BMPER: variants seen among roughly 807,000 people sequenced by gnomAD.
The protein encoded by BMPER is BMP-binding endothelial regulator protein.
Under a neutral mutation model 87.3 loss-of-function variants are expected in BMPER, and 45 were observed. The ratio of observed to expected loss-of-function variants is 0.52; its 90% confidence interval spans 0.41 to 0.66. The LOEUF is 0.66. BMPER is among the 30% of genes least tolerant of loss of function. BMPER has a pLI of 0.00. For missense variants in BMPER, 784 were observed against 867.5 expected (o/e 0.90, Z 1.21); for synonymous variants, 326 against 316.2 (o/e 1.03, Z -0.33).
chr7:33,956,031 A>C (rs1785140192), intron 3 of BMPER, among the ~76,000 whole-genome samples: 1 of 150,886 alleles, frequency 6.6e-6, no homozygotes, highest in African/African-American at 2.5e-5. Context: ...CAAACAAACA[A>C]AAAACCACAA....
At chr7:34,146,032 C>G (rs1253468355) in intron 14 of BMPER, among the ~76,000 whole-genome samples, 1 of 151,992 alleles carries the variant, frequency 6.6e-6, no homozygotes, top group Non-Finnish European at 1.5e-5. Context: ...TTCTCTCTCT[C>G]TCACATATAC....
rs116177581 is a variant in BMPER, at chr7:33,908,015, C to T, written c.219+1112C>T. Among the ~76,000 whole-genome samples, 1,472 of 152,262 alleles carry T rather than the reference C, an allele frequency of 9.7e-3. 26 individuals are homozygous for T. Among genetic ancestry groups the T allele is most frequent in the African/African-American group, 0.033 (1,390 of 41,556 alleles). The stretch of plus-strand genomic sequence containing the variant: ...GGAAATCAACAGAAACAAGTAAAAA[C>T]GCACTGCGTTTGCTGACACAATAAA... On this transcript the variant is annotated intron_variant, in intron 2 of 14. Coordinates refer to ENST00000649409, the MANE Select transcript of BMPER (RefSeq NM_001365308.1).
intron 13 of BMPER, among the ~76,000 whole-genome samples, chr7:34,129,269 G>A: frequency 6.6e-6 from 1 of 152,056 alleles, no homozygotes; most frequent in East Asian, 1.9e-4. Flanking sequence ...TTGGGAGGCT[G>A]AGGTGGGTGG....
At chr7:34,086,857 G>A (rs748171453) in intron 13 of BMPER, among the ~76,000 whole-genome samples, 3 of 152,166 alleles carry the variant, frequency 2.0e-5, no homozygotes, top group Non-Finnish European at 2.9e-5. Flanking sequence ...ACAATTCCAT[G>A]GGTTCAAGAG....
intron 14 of BMPER, among the ~76,000 whole-genome samples, chr7:34,147,668 C>T (rs760876218): frequency 1.3e-5 from 2 of 152,130 alleles, no homozygotes; most frequent in Non-Finnish European, 2.9e-5. Flanking sequence ...CGGGGTTTCT[C>T]CATGTTGGTC....
intron 3 of BMPER, among the ~76,000 whole-genome samples, chr7:33,939,729 T>C (rs528329734): frequency 3.3e-5 from 5 of 152,182 alleles, no homozygotes; most frequent in Non-Finnish European, 7.3e-5. Flanking sequence ...GGTGCCTTGC[T>C]TCCCCTTCAC....
chr7:33,922,333 G>A (rs979940508), intron 2 of BMPER, among the ~76,000 whole-genome samples: 1 of 152,074 alleles, frequency 6.6e-6, no homozygotes, highest in Non-Finnish European at 1.5e-5. Context: ...CCCAAGTTTT[G>A]TGTCTAGTTT....
chr7:34,102,167 C>T (rs188033075), intron 13 of BMPER, among the ~76,000 whole-genome samples: 1 of 152,146 alleles, frequency 6.6e-6, no homozygotes, highest in East Asian at 1.9e-4. Context: ...CCACATCTTC[C>T]TCTGCATTGG....
intron 2 of BMPER, among the ~76,000 whole-genome samples, chr7:33,926,825 A>G (rs1034466858): frequency 1.3e-5 from 2 of 152,236 alleles, no homozygotes; most frequent in African/African-American, 2.4e-5. Flanking sequence ...GAGAGCTCCT[A>G]TTCCCTTGCT....
chr7:34,046,558 GGT>G (rs1267460039), intron 7 of BMPER, among the ~76,000 whole-genome samples, 153 bp downstream of exon 7: 5 of 152,206 alleles, frequency 3.3e-5, no homozygotes, highest in Non-Finnish European at 5.9e-5. Flanking sequence ...AGAAGTGGAA[GGT>G]GTGTACAGGG....
intron 6 of BMPER, among the ~76,000 whole-genome samples, chr7:34,006,022 T>C (rs17169619): frequency 0.016 from 2,425 of 152,086 alleles, 72 homozygotes; most frequent in African/African-American, 0.056. Flanking sequence ...TCATTTACAT[T>C]GTAGCCATTA....
chr7:34,120,028 AT>A (rs1303366553), intron 13 of BMPER, among the ~76,000 whole-genome samples: 1 of 152,200 alleles, frequency 6.6e-6, no homozygotes, highest in African/African-American at 2.4e-5. Flanking sequence ...CCCATTCCCA[AT>A]AACATTGACT....
chr7:34,105,088 G>T (rs1465701543), intron 13 of BMPER, among the ~76,000 whole-genome samples: 1 of 152,186 alleles, frequency 6.6e-6, no homozygotes, highest in Non-Finnish European at 1.5e-5. Context: ...CTCTGGGGAG[G>T]AGGAGGCAAG....
chr7:34,135,868 T>C lies in BMPER; in HGVS notation c.1746-7362T>C, dbSNP rs1011933157. ...GAGTGGGCTAACAATTTAACTTGAG[T>C]ATAGGGGGATGAGGGGAGAATTTGG... is the stretch of plus-strand genomic sequence containing the variant. On this transcript the variant is annotated intron_variant, in intron 13 of 14. Transcript: ENST00000649409. Among the ~76,000 whole-genome samples the C allele has an allele frequency of 6.6e-5, 10 of 151,984 alleles. No individual in the cohort carries two copies. The East Asian group carries it at 1.7e-3, about 26-fold the overall frequency.
At chr7:34,056,403 A>T (rs535569220) in intron 9 of BMPER, among the ~76,000 whole-genome samples, 60 of 152,208 alleles carry the variant, frequency 3.9e-4, no homozygotes, top group Non-Finnish European at 7.8e-4. Flanking sequence ...AAAATAAAAT[A>T]AAAAAAATTA....
At chr7:33,944,993 G>GT (rs1283689595) in intron 3 of BMPER, among the ~76,000 whole-genome samples, 1 of 152,158 alleles carries the variant, frequency 6.6e-6, no homozygotes. Flanking sequence ...CCAGGCTGGA[G>GT]TGCAGTGGCA....
At chr7:34,032,243 G>C (rs1787548371) in intron 6 of BMPER, among the ~76,000 whole-genome samples, 1 of 151,874 alleles carries the variant, frequency 6.6e-6, no homozygotes. Context: ...TTAACCCCAT[G>C]AGTTTGTTCC....
At chr7:34,011,947 G>A (rs1786894276) in intron 6 of BMPER, among the ~76,000 whole-genome samples, 1 of 151,854 alleles carries the variant, frequency 6.6e-6, no homozygotes, top group South Asian at 2.1e-4. Context: ...TCCCAAGAAT[G>A]CATCCAGAGT....
intron 3 of BMPER, among the ~76,000 whole-genome samples, chr7:33,949,806 T>C (rs897299180): frequency 6.6e-6 from 1 of 152,198 alleles, no homozygotes; most frequent in Non-Finnish European, 1.5e-5. Context: ...ACAAGAGGGA[T>C]TTCTTTCCCC....
Sources: allele counts gnomAD v4.1 joint callset (sites outside exome capture counted in the v4.1 genomes callset), GRCh38; gene constraint gnomAD v4.1.1; transcripts MANE v1.5; gene names NCBI Gene and HGNC (gene_info 2026-07-23, HGNC 2026-07-21).